USH2A: variants seen among roughly 807,000 people sequenced by gnomAD.
The protein encoded by USH2A is usherin.
USH2A carries 443 observed loss-of-function variants against 538.9 expected under a neutral mutation model. That is an observed-to-expected ratio of 0.82 (90% CI 0.76 to 0.89). The LOEUF (loss-of-function observed/expected upper bound fraction) is 0.89. Ranked by LOEUF, USH2A falls within the 40% of genes least tolerant of loss-of-function variation. The probability of loss-of-function intolerance (pLI) is 0.00; values close to 1 mark genes in which losing one functional copy is unlikely to be tolerated. For missense variants in USH2A, 6,633 were observed against 6,324.8 expected (o/e 1.05, Z -1.65); for synonymous variants, 2,413 against 2,273.5 (o/e 1.06, Z -1.75).
chr1:216,312,109 T>C (rs2037431889), intron 9 of USH2A, among the ~76,000 whole-genome samples: 1 of 152,110 alleles, frequency 6.6e-6, no homozygotes, highest in African/African-American at 2.4e-5. Context: ...TGGTTTTTGT[T>C]TGAGAAAGTA....
intron 71 of USH2A, among the ~76,000 whole-genome samples, chr1:215,627,299 C>G (rs971552390): frequency 6.6e-6 from 1 of 151,892 alleles, no homozygotes; most frequent in Non-Finnish European, 1.5e-5. Context: ...ATAATTTTAC[C>G]CCAGAGGAGT....
chr1:215,709,628 T>A (rs927395958), intron 61 of USH2A, among the ~76,000 whole-genome samples: 12 of 138,474 alleles, frequency 8.7e-5, no homozygotes, highest in African/African-American at 3.3e-4. Context: ...GGAAGATAGA[T>A]GCTTGAAGAT....
intron 58 of USH2A, among the ~76,000 whole-genome samples, chr1:215,754,103 C>A (rs139845485): frequency 6.6e-6 from 1 of 152,146 alleles, no homozygotes. Context: ...ATTCGAATTT[C>A]TTATCTTAAG....
chr1:216,177,950 A>G (rs544089948), intron 20 of USH2A, among the ~76,000 whole-genome samples: 1 of 152,226 alleles, frequency 6.6e-6, no homozygotes, highest in East Asian at 1.9e-4. Flanking sequence ...TTCAATTTAC[A>G]CCTGTGTTAA....
At chr1:216,009,404 T>C (rs776676239) in intron 32 of USH2A, among the ~76,000 whole-genome samples, 1 of 152,158 alleles carries the variant, frequency 6.6e-6, no homozygotes, top group Non-Finnish European at 1.5e-5. Flanking sequence ...TCAACAGTAG[T>C]TCCAAATAGC....
At chr1:216,183,072 C>A (rs1339359093) in intron 20 of USH2A, among the ~76,000 whole-genome samples, 1 of 152,066 alleles carries the variant, frequency 6.6e-6, no homozygotes, top group African/African-American at 2.4e-5. Flanking sequence ...TTATTTATCA[C>A]AGCCACTTTC....
At chr1:216,419,838 C>T (rs1201106684) in intron 2 of USH2A, among the ~76,000 whole-genome samples, 1 of 152,030 alleles carries the variant, frequency 6.6e-6, no homozygotes, top group Non-Finnish European at 1.5e-5. Context: ...ATAATTTCTT[C>T]TCACTTGCAT....
chr1:215,813,178 G>C (rs760555779), intron 49 of USH2A, among the ~76,000 whole-genome samples: 2 of 152,142 alleles, frequency 1.3e-5, no homozygotes, highest in African/African-American at 4.8e-5. Flanking sequence ...GAGCAAAATG[G>C]CTAGCTAAGT....
At chr1:215,731,012 T>C (rs1461302315) in intron 60 of USH2A, among the ~76,000 whole-genome samples, 1 of 152,242 alleles carries the variant, frequency 6.6e-6, no homozygotes, top group Admixed American at 6.5e-5. Context: ...CAAACAAACC[T>C]ATGATGGTCT....
At chr1:216,148,043 G>T (rs2033748166) in intron 21 of USH2A, among the ~76,000 whole-genome samples, 1 of 150,434 alleles carries the variant, frequency 6.6e-6, no homozygotes, top group African/African-American at 2.4e-5. Context: ...CGCCTCGGAA[G>T]CCCCCTAGAC....
intron 4 of USH2A, among the ~76,000 whole-genome samples, chr1:216,345,863 T>A (rs1196767164): frequency 6.6e-6 from 1 of 152,092 alleles, no homozygotes; most frequent in African/African-American, 2.4e-5. Context: ...GGGGTTCATG[T>A]CATAGTTAGC....
chr1:216,049,107 A>G (rs1398479963), intron 30 of USH2A, among the ~76,000 whole-genome samples: 1 of 152,248 alleles, frequency 6.6e-6, no homozygotes, highest in African/African-American at 2.4e-5. Flanking sequence ...CACTTTAAAA[A>G]TGCTACTCCC....
chr1:216,242,238 C>G (rs1010286790), intron 13 of USH2A, among the ~76,000 whole-genome samples: 4 of 150,954 alleles, frequency 2.6e-5, no homozygotes, highest in Non-Finnish European at 5.9e-5. Context: ...GTCCCAGCTG[C>G]TCGGGAGGCT....
intron 42 of USH2A, among the ~76,000 whole-genome samples, chr1:215,878,185 G>A (rs1312890947): frequency 1.3e-5 from 2 of 152,090 alleles, no homozygotes; most frequent in African/African-American, 4.8e-5. Context: ...TTCGCACAAA[G>A]TAGAAATACA....
At position 215,758,642 on chromosome 1, in the gene USH2A, ATAT is replaced by A. The variant is rs2102741233; in HGVS notation, c.11339_11341del (p.Asn3780del). The A allele has an allele frequency of 1.2e-6, 2 of 1,613,440 alleles. No individual in the cohort carries two copies. The highest frequency in any genetic ancestry group is 1.7e-6 in the Non-Finnish European group (2 of 1,179,824). ...TATAGAATAAGGCCCAATTACTGTG[ATAT>A]TATATGGAGGATAGATTTCTTCTGG... On this transcript the variant is annotated inframe_deletion, in exon 58 of 72. Coordinates refer to ENST00000307340, the MANE Select transcript of USH2A (RefSeq NM_206933.4).
At chr1:215,912,515 G>GTATA (rs1279309340) in intron 38 of USH2A, among the ~76,000 whole-genome samples, 5 of 20,320 alleles carry the variant, frequency 2.5e-4, no homozygotes, top group South Asian at 1.2e-3. Context: ...ATATATACGT[G>GTATA]TATATATATA....
At chr1:215,846,950 A>C (rs1571743782) in intron 44 of USH2A, among the ~76,000 whole-genome samples, 1 of 152,220 alleles carries the variant, frequency 6.6e-6, no homozygotes, top group African/African-American at 2.4e-5. Flanking sequence ...GATAATACTT[A>C]AATTTTTATC....
rs138149307 is a variant in USH2A at position 215,694,573 on chromosome 1, A to AAAAC, written c.12067-14201_12067-14198dup. Among the ~76,000 whole-genome samples the AAAAC allele has an allele frequency of 2.7e-4, 41 of 152,334 alleles. No homozygotes were observed. The South Asian group carries it at 2.9e-3, about 11-fold the overall frequency. ...GGGTGACAGAGAGAGACTCCATCTCAAAACAAACAAACAAACAACCCACAA... is the reference window on the plus strand; with the variant it reads ...GGGTGACAGAGAGAGACTCCATCTCAAAACAAACAAACAAACAAACAACCCACAA... On this transcript the variant is annotated intron_variant, in intron 61 of 71. Transcript: ENST00000307340.
chr1:216,069,063 G>A (rs1382939639), intron 30 of USH2A, among the ~76,000 whole-genome samples: 1 of 152,098 alleles, frequency 6.6e-6, no homozygotes, highest in Non-Finnish European at 1.5e-5. Context: ...TGGAAATACA[G>A]TAGGGTTGGT....
Sources: gnomAD v4.1 joint callset for allele counts (sites outside exome capture counted in the v4.1 genomes callset) on GRCh38, gnomAD v4.1.1 for gene constraint, MANE v1.5 for transcripts, NCBI Gene and HGNC (gene_info 2026-07-23, HGNC 2026-07-21) for gene names.